CYP39A1: variants seen among roughly 807,000 people sequenced by gnomAD.
CYP39A1 encodes the protein 24-hydroxycholesterol 7-alpha-hydroxylase.
In CYP39A1, 49 loss-of-function variants were observed where a neutral mutation model predicts 58.1. That is an observed-to-expected ratio of 0.84 (90% CI 0.67 to 1.07). The LOEUF is 1.07. CYP39A1 is among the 50% of genes least tolerant of loss of function. The probability of loss-of-function intolerance (pLI) is 0.00; values close to 1 mark genes in which losing one functional copy is unlikely to be tolerated. For missense variants in CYP39A1, 531 were observed against 539.4 expected, an observed-to-expected ratio of 0.98 and a Z score of 0.16; for synonymous variants, 209 against 187.6, an observed-to-expected ratio of 1.11 and a Z score of -0.93.
intron 10 of CYP39A1, among the ~76,000 whole-genome samples, chr6:46,562,801 C>T (rs925917162): frequency 4.0e-5 from 6 of 151,686 alleles, no homozygotes; most frequent in Non-Finnish European, 7.4e-5. Context: ...GCAGAATTTC[C>T]CTAATTAATT....
intron 10 of CYP39A1, among the ~76,000 whole-genome samples, chr6:46,555,238 G>A (rs999762386): frequency 1.3e-5 from 2 of 152,134 alleles, no homozygotes; most frequent in Non-Finnish European, 2.9e-5. Context: ...TGTGCCACAA[G>A]CCTTTCCCTT....
In CYP39A1 at chr6:46,628,543, T is replaced by G. The variant is rs899403599; in HGVS notation, c.840+2420A>C. 4.6e-5 allele frequency among the ~76,000 whole-genome samples: 7 copies of G among 152,348 alleles called. No individual in the cohort carries two copies. The East Asian group carries it at 1.3e-3, about 29-fold the overall frequency. On this transcript the variant is annotated intron_variant, in intron 6 of 11. Transcript: ENST00000275016. ...CCCATAAAAATAATTTCATAAATTA[T>G]AGTTAATATCTTGGGCCACAATGGA...
At chr6:46,624,291 C>T (rs759053697) in intron 7 of CYP39A1, among the ~76,000 whole-genome samples, 1 of 152,108 alleles carries the variant, frequency 6.6e-6, no homozygotes, top group African/African-American at 2.4e-5. Context: ...GAGTGCATTG[C>T]CTTTTTCCAT....
At position 46,630,945 on chromosome 6, in the gene CYP39A1, C is replaced by T. The variant is rs764059840; in HGVS notation, c.840+18G>A. 1.1e-5 allele frequency: 17 copies of T among 1,565,008 alleles called. 1 individual carries two copies. The Admixed American group carries it at 2.5e-4, about 23-fold the overall frequency. On this transcript the variant is annotated intron_variant, in intron 6 of 11. Transcript: ENST00000275016. Reference sequence around the variant, plus strand: ...ACAGTGGAGAGCAACGTAACTCATACTTTACTAATATACTTACAGGAACAG... The same window carrying T: ...ACAGTGGAGAGCAACGTAACTCATATTTTACTAATATACTTACAGGAACAG...
At chr6:46,585,635 G>A (rs1405736463) in intron 10 of CYP39A1, among the ~76,000 whole-genome samples, 1 of 152,022 alleles carries the variant, frequency 6.6e-6, no homozygotes, top group Non-Finnish European at 1.5e-5. Flanking sequence ...GTTTTATGGT[G>A]GGTATGTCAG....
chr6:46,642,631 T>C (rs1276413412), intron 1 of CYP39A1, among the ~76,000 whole-genome samples: 7 of 152,172 alleles, frequency 4.6e-5, no homozygotes, highest in Non-Finnish European at 1.5e-5. Context: ...TTCAAGATAT[T>C]GGTAGACTTA....
At chr6:46,567,931 T>C (rs1771384093) in intron 10 of CYP39A1, among the ~76,000 whole-genome samples, 1 of 152,072 alleles carries the variant, frequency 6.6e-6, no homozygotes, top group African/African-American at 2.4e-5. Context: ...CAGGTGGGAC[T>C]TGCAGTCTTG....
chr6:46,652,706 C>G lies in CYP39A1; in HGVS notation c.-124G>C. Reference sequence around the variant, plus strand: ...CCTTTCTGCTGCAACTTTTGCAGCTCTCCTTCGTAACTGTAGCTTCCTTCC... The same window carrying G: ...CCTTTCTGCTGCAACTTTTGCAGCTGTCCTTCGTAACTGTAGCTTCCTTCC... On this transcript the variant is annotated 5_prime_UTR_variant, in exon 1 of 12. Coordinates refer to ENST00000275016, the MANE Select transcript of CYP39A1 (RefSeq NM_016593.5). 1.1e-6 allele frequency: 1 copy of G among 880,626 alleles called. No individual in the cohort carries two copies. Among genetic ancestry groups the G allele is most frequent in the Non-Finnish European group, 1.7e-6 (1 of 587,370 alleles). The allele number at this position is 880,626 out of a possible 1,614,324, so 54.6% of individuals were successfully genotyped here. A position where few individuals can be genotyped will look rare whatever the true frequency, so the allele number is the denominator to read the frequency against.
chr6:46,586,563 C>T (rs374293490), intron 10 of CYP39A1: 24 of 985,934 alleles, frequency 2.4e-5, no homozygotes, highest in Middle Eastern at 5.2e-4. Flanking sequence ...CAGGGTATCA[C>T]ACTGAGGAGG....
chr6:46,637,331 C>A (rs1164878772), intron 4 of CYP39A1, among the ~76,000 whole-genome samples: 2 of 152,146 alleles, frequency 1.3e-5, no homozygotes, highest in African/African-American at 2.4e-5. Flanking sequence ...TATAGCAACC[C>A]ATATGGAGAA....
chr6:46,639,067 T>C (rs1028779144), intron 3 of CYP39A1, among the ~76,000 whole-genome samples: 13 of 152,182 alleles, frequency 8.5e-5, no homozygotes, highest in African/African-American at 3.1e-4. Flanking sequence ...TTCACCACTT[T>C]ATGATTCCAT....
At chr6:46,602,249 G>A (rs894696473) in intron 7 of CYP39A1, among the ~76,000 whole-genome samples, 11 of 152,154 alleles carry the variant, frequency 7.2e-5, no homozygotes, top group Admixed American at 6.5e-4. Context: ...TGGGAGGTAT[G>A]TAGAGAAGTC....
At chr6:46,636,923 A>G (rs1406817353) in intron 4 of CYP39A1, among the ~76,000 whole-genome samples, 1 of 152,140 alleles carries the variant, frequency 6.6e-6, no homozygotes, top group African/African-American at 2.4e-5. Flanking sequence ...TATGGTCTGA[A>G]TGTCTGTGTC....
rs376056800 is a variant in CYP39A1 at position 46,616,163 on chromosome 6, T to TCTTTCTTTCTTTCTTTC, written c.931+9254_931+9255insGAAAGAAAGAAAGAAAG. Among the ~76,000 whole-genome samples the TCTTTCTTTCTTTCTTTC allele has an allele frequency of 9.7e-4, 6 of 6,212 alleles. 2 individuals carry two copies. Among genetic ancestry groups the TCTTTCTTTCTTTCTTTC allele is most frequent in the South Asian group, 0.02 (2 of 100 alleles). The allele number at this position is 6,212 out of a possible 152,430, so 4.1% of individuals were successfully genotyped here. A position where few individuals can be genotyped will look rare whatever the true frequency, so the allele number is the denominator to read the frequency against. On this transcript the variant is annotated intron_variant, in intron 7 of 11. Transcript: ENST00000275016. ...TTCTTTCTTTCTTTCTTTCTTTCTT[T>TCTTTCTTTCTTTCTTTC]TTTCTTTCTTTCTTTCTTTCTTTCT...
chr6:46,616,268 CT>C (rs1449200757), intron 7 of CYP39A1, among the ~76,000 whole-genome samples: 2 of 112,698 alleles, frequency 1.8e-5, no homozygotes, highest in African/African-American at 7.0e-5. Flanking sequence ...TTCTTCCTTC[CT>C]TCCTTCCTTC....
intron 7 of CYP39A1, among the ~76,000 whole-genome samples, chr6:46,623,755 C>A (rs1775122081): frequency 6.6e-6 from 1 of 151,978 alleles, no homozygotes; most frequent in African/African-American, 2.4e-5. Flanking sequence ...ACATGGATAT[C>A]TTCCTTGATA....
At chr6:46,581,127 G>A (rs1561962602) in intron 10 of CYP39A1, among the ~76,000 whole-genome samples, 1 of 152,174 alleles carries the variant, frequency 6.6e-6, no homozygotes, top group Non-Finnish European at 1.5e-5. Flanking sequence ...ATAATGTGGG[G>A]CCAGGTGCAG....
intron 10 of CYP39A1, among the ~76,000 whole-genome samples, chr6:46,565,307 C>G (rs1472667001): frequency 6.6e-6 from 1 of 151,934 alleles, no homozygotes; most frequent in African/African-American, 2.4e-5. Context: ...AAGAATATCT[C>G]CATTATACAT....
chr6:46,581,341 T>C (rs1043794914), intron 10 of CYP39A1, among the ~76,000 whole-genome samples: 10 of 150,132 alleles, frequency 6.7e-5, no homozygotes, highest in Admixed American at 4.7e-4. Context: ...GCACAGGAGG[T>C]TGAAGCTACA....
Sources: allele counts gnomAD v4.1 joint callset (sites outside exome capture counted in the v4.1 genomes callset), GRCh38; gene constraint gnomAD v4.1.1; transcripts MANE v1.5; gene names NCBI Gene and HGNC (gene_info 2026-07-23, HGNC 2026-07-21).